Variants in PCDHGA8 observed in about 807,000 individuals in gnomAD.
PCDHGA8 encodes the protein protocadherin gamma subfamily A, 8.
Under a neutral mutation model 59.2 loss-of-function variants are expected in PCDHGA8, and 45 were observed. That is an observed-to-expected ratio of 0.76 (90% CI 0.60 to 0.98). The LOEUF (loss-of-function observed/expected upper bound fraction) is 0.98, where lower values mean the gene tolerates loss of function less well. Ranked by LOEUF, PCDHGA8 falls within the 50% of genes least tolerant of loss-of-function variation. The probability of loss-of-function intolerance (pLI) is 0.00; values close to 1 mark genes in which losing one functional copy is unlikely to be tolerated. For synonymous variants in PCDHGA8, 531 were observed against 519.0 expected, an observed-to-expected ratio of 1.02 and a Z score of -0.32; for missense variants, 1,257 against 1,196.2, an observed-to-expected ratio of 1.05 and a Z score of -0.75.
rs1314264090 is a variant in PCDHGA8, at chr5:141,490,459, C to T, written c.2425-4348C>T. 7 of 1,614,100 alleles carry T rather than the reference C, an allele frequency of 4.3e-6. No homozygotes were observed. Among genetic ancestry groups the T allele is most frequent in the Non-Finnish European group, 5.9e-6 (7 of 1,180,040 alleles). ...GCCTTCTGAGAACCACTACTCGCTG[C>T]TAACCAGCCAGCCTTTGGACCGGGA... On this transcript the variant is annotated intron_variant, in intron 1 of 3. Coordinates refer to ENST00000398604, the MANE Select transcript of PCDHGA8 (RefSeq NM_032088.2). The surrounding 1 kb of genome is among the most constrained non-coding windows in gnomAD (Gnocchi z 5.4).
chr5:141,410,349 G>A, intron 1 of PCDHGA8: 1 of 1,613,994 alleles, frequency 6.2e-7, no homozygotes, highest in Non-Finnish European at 8.5e-7. Flanking sequence ...TTGCGCCTGC[G>A]ACGCTCTCTC....
chr5:141,439,428 C>T (rs1191911600), intron 1 of PCDHGA8, among the ~76,000 whole-genome samples: 1 of 152,170 alleles, frequency 6.6e-6, no homozygotes, highest in Non-Finnish European at 1.5e-5. Flanking sequence ...TATAAATTCC[C>T]AGGAATATTT....
At chr5:141,458,064 C>T (rs886724551) in intron 1 of PCDHGA8, among the ~76,000 whole-genome samples, 14 of 152,104 alleles carry the variant, frequency 9.2e-5, no homozygotes, top group East Asian at 3.9e-4. Context: ...TGCACTGATG[C>T]GAACAACTAT....
Position 141,491,858 on chromosome 5 carries a change from A to G in PCDHGA8, c.2425-2949A>G, listed in dbSNP as rs17208425. 297,575 of 1,456,446 alleles carry G rather than the reference A, an allele frequency of 0.2. 31,644 individuals are homozygous for G. The highest frequency in any genetic ancestry group is 0.33 in the Admixed American group (11,758 of 35,494). 90.2% of individuals were successfully genotyped at this position (1,456,446 alleles called of 1,614,324 possible). On this transcript the variant is annotated intron_variant, in intron 1 of 3. Transcript: ENST00000398604. This position sits in a 1 kb window ranked among gnomAD's most constrained non-coding sequence, Gnocchi z 6.9. ...TCGGGATCATTGGACCGTTTGCGCG[A>G]AACCAGAGTGGCCGATTAAGGGATG... is the stretch of plus-strand genomic sequence containing the variant.
At position 141,394,727 on chromosome 5, in the gene PCDHGA8, C is replaced by G. The variant is rs971156422; in HGVS notation, c.1914C>G (p.Leu638=). The G allele has an allele frequency of 8.7e-6, 14 of 1,613,436 alleles. No homozygotes were observed. The highest frequency in any genetic ancestry group is 1.6e-4 in the Middle Eastern group (1 of 6,062). ...TARALLDRDA[L]KQSLVVAVQD... ...GAGCCCTGCTGGACAGAGATGCGCT[C>G]AAGCAGAGCCTCGTGGTGGCCGTCC... Residue 638 remains leucine, a synonymous_variant, in exon 1 of 4, where the codon CTC becomes CTG. Coordinates refer to ENST00000398604, the MANE Select transcript of PCDHGA8 (RefSeq NM_032088.2).
chr5:141,467,625 T>C (rs1407031447), intron 1 of PCDHGA8, among the ~76,000 whole-genome samples: 1 of 152,202 alleles, frequency 6.6e-6, no homozygotes, highest in African/African-American at 2.4e-5. Flanking sequence ...TGATTTGAGA[T>C]AGCATCTTTA....
At position 141,477,067 on chromosome 5, in the gene PCDHGA8, C is replaced by G. The variant is rs370882752; in HGVS notation, c.2425-17740C>G. 5.6e-5 allele frequency: 91 copies of G among 1,614,116 alleles called. No individual in the cohort carries two copies. Among genetic ancestry groups the G allele is most frequent in the Non-Finnish European group, 7.7e-5 (91 of 1,180,042 alleles). ...GGCTGGACTTCGAGGACACCAAACT[C>G]CATGAGATTTACATCCAGGCCAAAG... On this transcript the variant is annotated intron_variant, in intron 1 of 3. Transcript: ENST00000398604. This position sits in a 1 kb window ranked among gnomAD's most constrained non-coding sequence, Gnocchi z 4.9.
intron 1 of PCDHGA8, among the ~76,000 whole-genome samples, chr5:141,469,852 C>T (rs529924249): frequency 1.3e-4 from 20 of 152,054 alleles, no homozygotes; most frequent in African/African-American, 4.8e-4. Flanking sequence ...AGATTCAGAC[C>T]GGGTGCAATG....
intron 3 of PCDHGA8, 89 bp downstream of exon 3, chr5:141,505,570 C>G: frequency 6.3e-7 from 1 of 1,598,162 alleles, no homozygotes; most frequent in Admixed American, 1.7e-5. Context: ...GACTGGATGT[C>G]AAACCTGTGT....
At chr5:141,484,176 A>G (rs1044076131) in intron 1 of PCDHGA8, among the ~76,000 whole-genome samples, 1 of 152,236 alleles carries the variant, frequency 6.6e-6, no homozygotes, top group East Asian at 1.9e-4. Context: ...GCTGATCTCA[A>G]TCATTCAAGG....
intron 1 of PCDHGA8, chr5:141,407,989 T>C: frequency 1.2e-6 from 1 of 833,618 alleles, no homozygotes; most frequent in Non-Finnish European, 1.8e-6. Context: ...TCCGTCAGCC[T>C]CTGGCCTGGG....
At chr5:141,404,382 A>T in intron 1 of PCDHGA8, 2 of 1,613,978 alleles carry the variant, frequency 1.2e-6, no homozygotes, top group Non-Finnish European at 1.7e-6. Context: ...GTGATTGCCT[A>T]TGACCCTGAT....
intron 1 of PCDHGA8, chr5:141,410,199 A>G: frequency 6.2e-7 from 1 of 1,613,998 alleles, no homozygotes; most frequent in South Asian, 1.1e-5. Flanking sequence ...GTCTTCGCAG[A>G]CAACTTGCAA....
chr5:141,430,938 C>A, intron 1 of PCDHGA8: 1 of 1,607,082 alleles, frequency 6.2e-7, no homozygotes, highest in Non-Finnish European at 8.5e-7. Context: ...CGGGAGCTCG[C>A]GGAGCGCGGA....
chr5:141,408,263 C>G, intron 1 of PCDHGA8: 1 of 1,606,854 alleles, frequency 6.2e-7, no homozygotes. Flanking sequence ...ATTTCCTTTG[C>G]TGCTGCCTTT....
intron 1 of PCDHGA8, among the ~76,000 whole-genome samples, chr5:141,465,505 G>A (rs905617997): frequency 6.6e-6 from 1 of 152,190 alleles, no homozygotes; most frequent in Non-Finnish European, 1.5e-5. Flanking sequence ...CATTGTCGTG[G>A]TCAGGAAGGA....
intron 1 of PCDHGA8, among the ~76,000 whole-genome samples, chr5:141,435,134 A>G (rs1190517186): frequency 6.6e-6 from 1 of 152,190 alleles, no homozygotes; most frequent in Non-Finnish European, 1.5e-5. Context: ...GAAAATATAA[A>G]TAAAATTGTG....
Position 141,491,075 on chromosome 5 carries a change from A to G in PCDHGA8, c.2425-3732A>G, listed in dbSNP as rs147291399. ...TGGCTCTCCTACTCACTGTTGCCAC[A>G]GTCCACAGCCCCAGGACTGTTCCTC... is the stretch of plus-strand genomic sequence containing the variant. On this transcript the variant is annotated intron_variant, in intron 1 of 3. Coordinates refer to ENST00000398604, the MANE Select transcript of PCDHGA8 (RefSeq NM_032088.2). This position sits in a 1 kb window ranked among gnomAD's most constrained non-coding sequence, Gnocchi z 6.9. 1.2e-6 allele frequency: 2 copies of G among 1,614,080 alleles called. No individual in the cohort carries two copies. Among genetic ancestry groups the G allele is most frequent in the Non-Finnish European group, 8.5e-7 (1 of 1,180,042 alleles).
In PCDHGA8 at chr5:141,491,491, G is replaced by C. The variant is rs2099717103; in HGVS notation, c.2425-3316G>C. The C allele has an allele frequency of 1.2e-6, 2 of 1,614,042 alleles. No homozygotes were observed. The highest frequency in any genetic ancestry group is 1.7e-5 in the Admixed American group (1 of 60,016). The stretch of plus-strand genomic sequence containing the variant: ...TAAGCAGTCCAGCCCCAACCTGCAG[G>C]TGAGCTCGGACGGCACGCTCAAGTA... On this transcript the variant is annotated intron_variant, in intron 1 of 3. Transcript: ENST00000398604. The surrounding 1 kb of genome is among the most constrained non-coding windows in gnomAD (Gnocchi z 6.9).
Sources: gnomAD v4.1 joint callset for allele counts (sites outside exome capture counted in the v4.1 genomes callset) on GRCh38, gnomAD v4.1.1 for gene constraint, Gnocchi (gnomAD v3.1) non-coding constraint, MANE v1.5 for transcripts, NCBI Gene and HGNC (gene_info 2026-07-23, HGNC 2026-07-21) for gene names.